Variants in RFX4 observed in about 807,000 individuals in gnomAD.
RFX4 encodes the protein regulatory factor X4.
A neutral mutation model predicts 95.0 loss-of-function variants in RFX4; 10 were observed. That is an observed-to-expected ratio of 0.11 (90% confidence interval 0.06 to 0.18). RFX4 has a LOEUF of 0.18. Ranked by LOEUF, RFX4 falls within the 10% of genes least tolerant of loss-of-function variation. The pLI is 1.00. For synonymous variants in RFX4, 321 were observed against 340.7 expected, an observed-to-expected ratio of 0.94 and a Z score of 0.64; for missense variants, 640 against 922.0, an observed-to-expected ratio of 0.69 and a Z score of 3.96.
In RFX4 at chr12:106,715,428, A is replaced by G. The variant is rs2042268239; in HGVS notation, c.1022A>G (p.Asp341Gly). The G allele has an allele frequency of 1.2e-6, 2 of 1,614,090 alleles. No homozygotes were observed. Among genetic ancestry groups the G allele is most frequent in the Non-Finnish European group, 1.7e-6 (2 of 1,180,040 alleles). Residue 341 changes from aspartate to glycine, a missense_variant, in exon 11 of 18, where the codon GAC becomes GGC. Physicochemically the swap from Asp to Gly is moderately conservative, Grantham distance 94 (BLOSUM62 -1). This residue lies in a region of RFX4 where 96 missense variants were observed against 183.7 expected (regional missense o/e 0.52). Transcript: ENST00000392842. ...QASRTVIHSA[D>G]ITFQMLEDWR... is the part of the protein sequence containing the mutation. ...TCTCGAACAGTGATCCACAGTGCAGACATCACGTTCCAAATGCTGGAAGAC... is the reference window on the plus strand; with the variant it reads ...TCTCGAACAGTGATCCACAGTGCAGGCATCACGTTCCAAATGCTGGAAGAC...
At chr12:106,613,415 T>G (rs2040002641) in intron 2 of RFX4, among the ~76,000 whole-genome samples, 1 of 151,098 alleles carries the variant, frequency 6.6e-6, no homozygotes, top group South Asian at 2.1e-4. Flanking sequence ...CAGGCTGGAG[T>G]GCAATGGCAC....
chr12:106,706,044 G>C (rs73391370), intron 8 of RFX4, among the ~76,000 whole-genome samples: 1,612 of 152,322 alleles, frequency 0.011, 19 homozygotes, highest in African/African-American at 0.036. Context: ...GACCTGGTCT[G>C]GGGGCTTCGG....
intron 1 of RFX4, among the ~76,000 whole-genome samples, chr12:106,597,129 G>T (rs1357763287): frequency 2.0e-5 from 3 of 152,178 alleles, no homozygotes; most frequent in Non-Finnish European, 4.4e-5. Flanking sequence ...CTATTGATCT[G>T]CTATTCTGGG....
intron 1 of RFX4, among the ~76,000 whole-genome samples, chr12:106,604,641 C>G (rs977885174): frequency 1.1e-4 from 17 of 151,580 alleles, no homozygotes; most frequent in Admixed American, 2.6e-4. Flanking sequence ...ACTAATGTAA[C>G]AGTTATTGAG....
At chr12:106,712,931 T>C (rs888368204) in intron 10 of RFX4, among the ~76,000 whole-genome samples, 1 of 152,174 alleles carries the variant, frequency 6.6e-6, no homozygotes, top group African/African-American at 2.4e-5. Flanking sequence ...GAGAGGACTT[T>C]GTTCCTTTAA....
intron 1 of RFX4, among the ~76,000 whole-genome samples, chr12:106,597,867 A>C (rs756265186): frequency 2.6e-5 from 4 of 152,176 alleles, no homozygotes; most frequent in Non-Finnish European, 5.9e-5. Flanking sequence ...CTCTAAAAAA[A>C]GGTGGTTGGG....
chr12:106,726,016 G>A (rs1383054064), intron 13 of RFX4, among the ~76,000 whole-genome samples: 1 of 152,070 alleles, frequency 6.6e-6, no homozygotes, highest in African/African-American at 2.4e-5. Context: ...GGAGGATGAG[G>A]CGGGCAGGCA....
chr12:106,606,621 G>C (rs1488491159), intron 1 of RFX4, among the ~76,000 whole-genome samples: 1 of 152,134 alleles, frequency 6.6e-6, no homozygotes, highest in South Asian at 2.1e-4. Context: ...TGTCTGGAAG[G>C]TGCAGCGTTT....
chr12:106,679,255 C>T (rs1388435053), intron 4 of RFX4, among the ~76,000 whole-genome samples: 4 of 152,104 alleles, frequency 2.6e-5, no homozygotes, highest in Non-Finnish European at 5.9e-5. Flanking sequence ...GTCAGGAGTT[C>T]GAGACCAGCC....
chr12:106,710,248 G>C (rs965614125), intron 9 of RFX4, among the ~76,000 whole-genome samples: 1 of 152,126 alleles, frequency 6.6e-6, no homozygotes, highest in African/African-American at 2.4e-5. Flanking sequence ...AAATGAAGGC[G>C]ATCAAATTAC....
At chr12:106,672,127 C>A (rs1028435237) in intron 4 of RFX4, among the ~76,000 whole-genome samples, 2 of 152,064 alleles carry the variant, frequency 1.3e-5, no homozygotes, top group Non-Finnish European at 2.9e-5. Context: ...CTCGGAAATT[C>A]TTGCTTAAAA....
intron 2 of RFX4, among the ~76,000 whole-genome samples, chr12:106,624,959 T>G (rs1162300570): frequency 1.3e-5 from 2 of 152,202 alleles, no homozygotes; most frequent in Non-Finnish European, 2.9e-5. Flanking sequence ...TTCTACCCAC[T>G]GAGAGGACTG....
intron 15 of RFX4, among the ~76,000 whole-genome samples, chr12:106,742,027 C>T (rs910030833): frequency 6.6e-6 from 1 of 152,058 alleles, no homozygotes; most frequent in Non-Finnish European, 1.5e-5. Context: ...TAACAGGCCA[C>T]GGTCCGGTAC....
At chr12:106,754,974 T>C (rs980174456) in intron 17 of RFX4, among the ~76,000 whole-genome samples, 5 of 152,262 alleles carry the variant, frequency 3.3e-5, no homozygotes, top group African/African-American at 1.2e-4. Flanking sequence ...AAATATACTC[T>C]CTGGGGGAAG....
At chr12:106,596,889 C>T (rs923092506) in intron 1 of RFX4, among the ~76,000 whole-genome samples, 1 of 152,192 alleles carries the variant, frequency 6.6e-6, no homozygotes, top group Non-Finnish European at 1.5e-5. Flanking sequence ...ATAAATCAAT[C>T]CATTTTTAAT....
intron 4 of RFX4, among the ~76,000 whole-genome samples, chr12:106,677,454 C>T (rs1043912045): frequency 1.3e-5 from 2 of 152,076 alleles, no homozygotes; most frequent in African/African-American, 2.4e-5. Flanking sequence ...CATGGACCAT[C>T]CTGAGGAGCC....
rs373809261 is a variant in RFX4 at position 106,720,101 on chromosome 12, C to G, written c.1233+47C>G. ...GGGCAGCCTTGGGCCCTGCAGCCCA[C>G]CACTGCCCTCTGTGAACTTGGCCAA... is the stretch of plus-strand genomic sequence containing the variant. On this transcript the variant is annotated intron_variant, in intron 12 of 17. Transcript: ENST00000392842. This position sits in a 1 kb window ranked among gnomAD's most constrained non-coding sequence, Gnocchi z 4.2. 4.1e-6 allele frequency: 6 copies of G among 1,476,430 alleles called. No individual in the cohort carries two copies. The highest frequency in any genetic ancestry group is 5.7e-6 in the Non-Finnish European group (6 of 1,055,766). The allele number at this position is 1,476,430 out of a possible 1,614,324, so 91.5% of individuals were successfully genotyped here.
intron 5 of RFX4, among the ~76,000 whole-genome samples, chr12:106,685,354 C>T (rs1774928745): frequency 6.6e-6 from 1 of 152,180 alleles, no homozygotes; most frequent in Admixed American, 6.5e-5. Context: ...CCTGCCTCTG[C>T]TCCTTACTCA....
chr12:106,740,504 CTTTT>C (rs892900793), intron 15 of RFX4, among the ~76,000 whole-genome samples: 2 of 151,366 alleles, frequency 1.3e-5, no homozygotes, highest in African/African-American at 4.9e-5. Context: ...TTAATTGACT[CTTTT>C]TTTTTGGATC....
Sources: allele counts gnomAD v4.1 joint callset (sites outside exome capture counted in the v4.1 genomes callset), GRCh38; gene constraint gnomAD v4.1.1; regional missense constraint gnomAD v4.1.1; non-coding constraint Gnocchi (gnomAD v3.1); transcripts MANE v1.5; gene names NCBI Gene and HGNC (gene_info 2026-07-23, HGNC 2026-07-21).